Variants in ZDHHC11B observed in about 807,000 individuals in gnomAD.
ZDHHC11B encodes zDHHC palmitoyltransferase 11B (putative).
ZDHHC11B carries 17 observed loss-of-function variants against 42.3 expected under a neutral mutation model. The ratio of observed to expected loss-of-function variants is 0.40; its 90% CI spans 0.27 to 0.60. ZDHHC11B has a LOEUF of 0.60. Ranked by LOEUF, ZDHHC11B falls within the 20% of genes least tolerant of loss-of-function variation. ZDHHC11B has a pLI of 0.41. For synonymous variants in ZDHHC11B, 123 were observed against 193.5 expected (o/e 0.64, Z 3.02); for missense variants, 262 against 463.2 (o/e 0.57, Z 3.99).
chr5:776,688 G>A (rs1373573339), intron 1 of ZDHHC11B, among the ~76,000 whole-genome samples: 1 of 151,938 alleles, frequency 6.6e-6, no homozygotes, highest in African/African-American at 2.4e-5. Flanking sequence ...CAGAGCCCCT[G>A]TGGAGCTCAC....
At chr5:759,256 AC>A (rs1232451002) in intron 4 of ZDHHC11B, among the ~76,000 whole-genome samples, 17 of 151,696 alleles carry the variant, frequency 1.1e-4, no homozygotes, top group African/African-American at 3.9e-4. Context: ...CAGAACACAC[AC>A]CCTGCGCCCT....
rs187505367 is a variant in ZDHHC11B at position 774,863 on chromosome 5, C to T, written c.-229-5933G>A. Reference sequence around the variant, plus strand: ...GCTGTTTTAAAGATAGCAGCAGCCTCGGTGCTCCCTTGTTCACTGCCCACG... The same window carrying T: ...GCTGTTTTAAAGATAGCAGCAGCCTTGGTGCTCCCTTGTTCACTGCCCACG... On this transcript the variant is annotated intron_variant, in intron 1 of 13. Coordinates refer to ENST00000508859, the MANE Select transcript of ZDHHC11B (RefSeq NM_001351303.2). Among the ~76,000 whole-genome samples the T allele has an allele frequency of 8.2e-3, 1,250 of 151,826 alleles. 22 individuals carry two copies. The highest frequency in any genetic ancestry group is 0.028 in the African/African-American group (1,154 of 41,244).
intron 1 of ZDHHC11B, among the ~76,000 whole-genome samples, chr5:773,976 T>C (rs1736260588): frequency 6.6e-6 from 1 of 151,882 alleles, no homozygotes; most frequent in African/African-American, 2.4e-5. Flanking sequence ...ACCACAGACC[T>C]CAGAGTGGGG....
At chr5:771,280 A>G (rs1736009426) in intron 1 of ZDHHC11B, among the ~76,000 whole-genome samples, 1 of 151,618 alleles carries the variant, frequency 6.6e-6, no homozygotes, top group Admixed American at 6.6e-5. Flanking sequence ...AGATCCCACA[A>G]ATTCCCCCAA....
At chr5:753,690 C>T (rs1290384466) in intron 6 of ZDHHC11B, among the ~76,000 whole-genome samples, 2 of 148,568 alleles carry the variant, frequency 1.3e-5, no homozygotes, top group African/African-American at 2.5e-5. Context: ...TCTCCCCGGC[C>T]CCTACCATCT....
chr5:726,274 G>C (rs1167484833), intron 12 of ZDHHC11B, among the ~76,000 whole-genome samples: 2 of 151,600 alleles, frequency 1.3e-5, no homozygotes, highest in Non-Finnish European at 1.5e-5. Context: ...GCTAGAAACA[G>C]ATGTTTGTAA....
At chr5:780,354 C>G (rs1218244199) in intron 1 of ZDHHC11B, among the ~76,000 whole-genome samples, 9 of 150,678 alleles carry the variant, frequency 6.0e-5, no homozygotes, top group African/African-American at 2.2e-4. Flanking sequence ...CACCTGCTGA[C>G]AGTATGGTGG....
intron 12 of ZDHHC11B, 109 bp from the exon 13 acceptor site, chr5:716,974 C>T: frequency 1.3e-6 from 2 of 1,517,848 alleles, no homozygotes; most frequent in Non-Finnish European, 1.8e-6. Flanking sequence ...TAGAGATTAG[C>T]TTGTGACGTG....
At chr5:783,283 AGCG>A in intron 1 of ZDHHC11B, among the ~76,000 whole-genome samples, 1 of 152,376 alleles carries the variant, frequency 6.6e-6, no homozygotes, top group South Asian at 2.1e-4. Context: ...GCTGGCACCG[AGCG>A]GCTGACAGGC....
intron 11 of ZDHHC11B, among the ~76,000 whole-genome samples, chr5:732,857 G>T (rs1743128133): frequency 6.6e-6 from 1 of 151,800 alleles, no homozygotes; most frequent in Non-Finnish European, 1.5e-5. Flanking sequence ...AAACAAGCCT[G>T]GACAAGAGAG....
At position 745,809 on chromosome 5, in the gene ZDHHC11B, C is replaced by T. The variant is rs1313077963; in HGVS notation, c.785-511G>A. ...CAGAGACCCCACAGTCGGAGGACCA[C>T]GCAGTGGGGCGACCACCCCGAGGTG... On this transcript the variant is annotated intron_variant, in intron 8 of 13. Transcript: ENST00000508859. Among the ~76,000 whole-genome samples, 16 of 149,850 alleles carry T rather than the reference C, an allele frequency of 1.1e-4. 2 individuals carry two copies. The highest frequency in any genetic ancestry group is 4.5e-4 in the South Asian group (2 of 4,464).
At chr5:767,053 C>A in intron 3 of ZDHHC11B, 134 bp from the exon 4 acceptor site, 1 of 1,151,066 alleles carries the variant, frequency 8.7e-7, no homozygotes, top group Non-Finnish European at 1.2e-6. Flanking sequence ...CCCAGCATTG[C>A]CTGGGGCCAC....
chr5:779,098 C>T (rs1188664300), intron 1 of ZDHHC11B, among the ~76,000 whole-genome samples: 6 of 151,340 alleles, frequency 4.0e-5, no homozygotes, highest in African/African-American at 1.2e-4. Flanking sequence ...AATTACCATG[C>T]CTGGTGCTGT....
intron 4 of ZDHHC11B, among the ~76,000 whole-genome samples, chr5:763,740 A>T (rs1240796324): frequency 2.0e-5 from 3 of 151,922 alleles, no homozygotes; most frequent in African/African-American, 4.8e-5. Context: ...ACAGGATGTT[A>T]AGAAATGGCT....
chr5:721,257 A>G (rs1180788609), intron 12 of ZDHHC11B, among the ~76,000 whole-genome samples: 3 of 150,522 alleles, frequency 2.0e-5, no homozygotes, highest in African/African-American at 7.3e-5. Context: ...CATTCAACTA[A>G]AGATTTTTTA....
intron 4 of ZDHHC11B, among the ~76,000 whole-genome samples, chr5:761,663 A>AC (rs1447623950): frequency 1.3e-5 from 2 of 151,666 alleles, no homozygotes; most frequent in African/African-American, 4.8e-5. Context: ...AGAAGCCTGA[A>AC]CCCCCACATG....
rs1267756127 is a variant in ZDHHC11B at position 751,430 on chromosome 5, C to T, written c.504-173G>A. On this transcript the variant is annotated intron_variant, in intron 6 of 13. Coordinates refer to ENST00000508859, the MANE Select transcript of ZDHHC11B (RefSeq NM_001351303.2). ...GGCAGGTGTGGGACAGGTGTGGGGG[C>T]GGGGAGGCAGGGGCAGGGACACGCA... 3.1e-4 allele frequency among the ~76,000 whole-genome samples: 11 copies of T among 35,820 alleles called. 2 individuals carry two copies. The South Asian group carries it at 0.025, about 82-fold the overall frequency. The allele number at this position is 35,820 out of a possible 152,430, so 23.5% of individuals were successfully genotyped here. A position where few individuals can be genotyped will look rare whatever the true frequency, so the allele number is the denominator to read the frequency against.
intron 4 of ZDHHC11B, among the ~76,000 whole-genome samples, chr5:760,691 G>A (rs1175440015): frequency 6.6e-6 from 1 of 151,828 alleles, no homozygotes; most frequent in Non-Finnish European, 1.5e-5. Flanking sequence ...TGGAATCGCA[G>A]ATGCAAACAC....
chr5:748,884 AGT>A, intron 7 of ZDHHC11B, among the ~76,000 whole-genome samples: 3 of 122,804 alleles, frequency 2.4e-5, no homozygotes, highest in African/African-American at 5.7e-5. Context: ...CCGGGGTCAC[AGT>A]GCCCACCCCT....
Sources: allele counts gnomAD v4.1 joint callset (sites outside exome capture counted in the v4.1 genomes callset), GRCh38; gene constraint gnomAD v4.1.1; transcripts MANE v1.5; gene names NCBI Gene and HGNC (gene_info 2026-07-23, HGNC 2026-07-21).